The following GALNTL6 variants were observed in gnomAD, a reference collection of about 807,000 sequenced individuals.
The protein encoded by GALNTL6 is polypeptide N-acetylgalactosaminyltransferase like 6.
Under a neutral mutation model 73.7 loss-of-function variants are expected in GALNTL6, and 46 were observed. That is an observed-to-expected ratio of 0.62 (90% CI 0.49 to 0.80). The LOEUF is 0.80. GALNTL6 is among the 30% of genes least tolerant of loss of function. The probability of loss-of-function intolerance (pLI) is 0.00; values close to 1 mark genes in which losing one functional copy is unlikely to be tolerated. For synonymous variants in GALNTL6, 259 were observed against 263.7 expected, an observed-to-expected ratio of 0.98 and a Z score of 0.17; for missense variants, 604 against 755.0, an observed-to-expected ratio of 0.80 and a Z score of 2.34.
At chr4:172,502,981 T>C (rs979720807) in intron 5 of GALNTL6, among the ~76,000 whole-genome samples, 3 of 152,164 alleles carry the variant, frequency 2.0e-5, no homozygotes, top group African/African-American at 7.2e-5. Flanking sequence ...TACAGAAATC[T>C]CGGATAACGT....
rs1264647816 is a variant in GALNTL6 at position 171,903,860 on chromosome 4, G to A, written c.138+89142G>A. 2.6e-5 allele frequency among the ~76,000 whole-genome samples: 4 copies of A among 152,124 alleles called. No individual in the cohort carries two copies. In the South Asian group the frequency reaches 6.2e-4, roughly 24 times the overall value. On this transcript the variant is annotated intron_variant, in intron 2 of 12. Transcript: ENST00000506823. ...CCCTGACCCCTGAGCAGCCTAACTG[G>A]CAGGCACCCCCCAGCAGGGGCAGAC...
At chr4:172,658,042 C>T (rs1332530082) in intron 5 of GALNTL6, among the ~76,000 whole-genome samples, 12 of 127,818 alleles carry the variant, frequency 9.4e-5, no homozygotes, top group African/African-American at 3.6e-4. Context: ...CCCAGCTACT[C>T]GGGAGGCTGA....
intron 4 of GALNTL6, among the ~76,000 whole-genome samples, chr4:172,344,785 T>A (rs993203251): frequency 1.3e-5 from 2 of 152,180 alleles, no homozygotes; most frequent in East Asian, 3.9e-4. Flanking sequence ...TTATGTCACT[T>A]GTCTTGTTTG....
rs371006214 is a variant in GALNTL6 at position 171,938,155 on chromosome 4, G to A, written c.138+123437G>A. Among the ~76,000 whole-genome samples the A allele has an allele frequency of 4.1e-4, 63 of 152,012 alleles. 1 individual carries two copies. In the South Asian group the frequency reaches 0.013, roughly 31 times the overall value. On this transcript the variant is annotated intron_variant, in intron 2 of 12. Coordinates refer to ENST00000506823, the MANE Select transcript of GALNTL6 (RefSeq NM_001034845.3). ...CATTTCTTTTCAATAACTTGTAAAG[G>A]TTCATGCTGTAGAAATTTAACATTT...
chr4:172,703,697 C>G (rs925248248), intron 5 of GALNTL6, among the ~76,000 whole-genome samples: 19 of 151,988 alleles, frequency 1.3e-4, no homozygotes, highest in African/African-American at 4.3e-4. Flanking sequence ...TAGGGTAATA[C>G]TGACCTTGTA....
chr4:172,470,918 T>TC (rs974819260), intron 5 of GALNTL6, among the ~76,000 whole-genome samples: 6 of 151,992 alleles, frequency 3.9e-5, no homozygotes, highest in African/African-American at 1.5e-4. Context: ...CTCAAGTCCA[T>TC]CCCCCCAACA....
At chr4:172,910,760 T>C (rs1747155151) in intron 8 of GALNTL6, among the ~76,000 whole-genome samples, 1 of 152,216 alleles carries the variant, frequency 6.6e-6, no homozygotes, top group Non-Finnish European at 1.5e-5. Context: ...GAGCGATTTG[T>C]TGAATAGTGT....
At chr4:172,657,756 GA>G (rs1428853714) in intron 5 of GALNTL6, among the ~76,000 whole-genome samples, 1 of 151,888 alleles carries the variant, frequency 6.6e-6, no homozygotes, top group Non-Finnish European at 1.5e-5. Context: ...GAGTGTGAGG[GA>G]AAAGTGACTG....
intron 2 of GALNTL6, among the ~76,000 whole-genome samples, chr4:172,224,830 A>G (rs1471022270): frequency 1.3e-5 from 2 of 152,162 alleles, no homozygotes; most frequent in Non-Finnish European, 2.9e-5. Context: ...GCCCTTGAGT[A>G]ATGTTTTATC....
chr4:171,962,713 G>A (rs1008500677), intron 2 of GALNTL6, among the ~76,000 whole-genome samples: 18 of 150,708 alleles, frequency 1.2e-4, no homozygotes, highest in East Asian at 3.9e-4. Flanking sequence ...GCTGCATTGC[G>A]TATGGAGTAG....
intron 5 of GALNTL6, among the ~76,000 whole-genome samples, chr4:172,630,021 T>C (rs1489637124): frequency 4.6e-5 from 7 of 152,230 alleles, no homozygotes; most frequent in Non-Finnish European, 1.0e-4. Flanking sequence ...ACTAGAGAAT[T>C]CAGTGTTCAG....
chr4:171,963,785 A>G (rs1454588574), intron 2 of GALNTL6, among the ~76,000 whole-genome samples: 1 of 141,280 alleles, frequency 7.1e-6, no homozygotes, highest in Non-Finnish European at 1.5e-5. Flanking sequence ...CTATACAGGA[A>G]GAGAGAGAAT....
At chr4:172,852,713 A>T (rs1743900989) in intron 7 of GALNTL6, among the ~76,000 whole-genome samples, 1 of 152,106 alleles carries the variant, frequency 6.6e-6, no homozygotes, top group Admixed American at 6.5e-5. Context: ...TAGGACTATT[A>T]TAAATTTTTG....
intron 2 of GALNTL6, among the ~76,000 whole-genome samples, chr4:172,202,932 A>G (rs934096549): frequency 1.3e-5 from 2 of 152,192 alleles, no homozygotes; most frequent in African/African-American, 4.8e-5. Context: ...CTTGAGAGGA[A>G]AACAATTGAA....
intron 5 of GALNTL6, among the ~76,000 whole-genome samples, chr4:172,546,555 GT>G (rs1735759796): frequency 6.6e-6 from 1 of 151,110 alleles, no homozygotes; most frequent in Admixed American, 6.6e-5. Context: ...AGCCATGATT[GT>G]TTCTTCTTGC....
chr4:172,596,139 T>C (rs534356054), intron 5 of GALNTL6, among the ~76,000 whole-genome samples: 126 of 152,200 alleles, frequency 8.3e-4, no homozygotes, highest in African/African-American at 2.9e-3. Flanking sequence ...TTAAGAGTTA[T>C]GTAAATATAA....
chr4:172,943,544 A>G (rs1223828448), intron 9 of GALNTL6, among the ~76,000 whole-genome samples: 2 of 152,236 alleles, frequency 1.3e-5, no homozygotes, highest in African/African-American at 4.8e-5. Context: ...TTTCTGCTTA[A>G]TAGTCTTTCA....
intron 3 of GALNTL6, among the ~76,000 whole-genome samples, chr4:172,250,233 T>G (rs1472064058): frequency 6.6e-6 from 1 of 152,124 alleles, no homozygotes; most frequent in Non-Finnish European, 1.5e-5. Flanking sequence ...TTTGGCCAAT[T>G]TCTCCCATTT....
At chr4:173,011,149 ATG>A (rs1752537525) in intron 11 of GALNTL6, among the ~76,000 whole-genome samples, 1 of 152,124 alleles carries the variant, frequency 6.6e-6, no homozygotes, top group East Asian at 1.9e-4. Flanking sequence ...TGCCATTTGT[ATG>A]TCTTCTTTTG....
Sources: gnomAD v4.1 joint callset for allele counts (sites outside exome capture counted in the v4.1 genomes callset) on GRCh38, gnomAD v4.1.1 for gene constraint, MANE v1.5 for transcripts, NCBI Gene and HGNC (gene_info 2026-07-23, HGNC 2026-07-21) for gene names.